PCDHA7: variants seen among roughly 807,000 people sequenced by gnomAD.
The protein encoded by PCDHA7 is protocadherin alpha 7, also known as protocadherin alpha-7.
A neutral mutation model predicts 57.2 loss-of-function variants in PCDHA7; 37 were observed. The observed-to-expected ratio is 0.65, with a 90% CI of 0.50 to 0.85. The LOEUF (loss-of-function observed/expected upper bound fraction) is 0.85. PCDHA7 is among the 40% of genes least tolerant of loss of function. The probability of loss-of-function intolerance (pLI) is 0.00; values close to 1 mark genes in which losing one functional copy is unlikely to be tolerated. For synonymous variants in PCDHA7, 553 were observed against 558.8 expected (o/e 0.99, Z 0.15); for missense variants, 1,188 against 1,241.8 (o/e 0.96, Z 0.65).
At chr5:140,887,538 A>AC (rs1554183096) in intron 1 of PCDHA7, among the ~76,000 whole-genome samples, 1 of 151,216 alleles carries the variant, frequency 6.6e-6, no homozygotes, top group Admixed American at 6.6e-5. Flanking sequence ...TCCTCTCCCC[A>AC]CCCCTCATGG....
Position 140,835,615 on chromosome 5 carries a change from G to A in PCDHA7, c.1232G>A (p.Ser411Asn). Residue 411 changes from serine to asparagine, a missense_variant, in exon 1 of 4, where the codon AGC (serine) becomes AAC (asparagine). Ser to Asn is a conservative substitution (Grantham distance 46, BLOSUM62 1). This residue lies in a region of PCDHA7 where 892 missense variants were observed against 788.5 expected (regional missense o/e 1.13). Transcript: ENST00000525929. ...FKNYYSLVLD[S>N]ALDRESVSAY... ...AATTACTATTCATTGGTGCTGGACA[G>A]CGCTCTGGACCGCGAGAGTGTGTCC... 1 of 1,613,924 alleles carries A rather than the reference G, an allele frequency of 6.2e-7. No individual in the cohort carries two copies. Among genetic ancestry groups the A allele is most frequent in the South Asian group, 1.1e-5 (1 of 91,078 alleles).
chr5:140,999,523 C>T (rs115576128), intron 3 of PCDHA7, among the ~76,000 whole-genome samples: 1 of 152,026 alleles, frequency 6.6e-6, no homozygotes, highest in Non-Finnish European at 1.5e-5. Context: ...CATTTTGTTA[C>T]CCCCTGGATA....
chr5:140,954,390 C>A (rs2095030202), intron 1 of PCDHA7, among the ~76,000 whole-genome samples: 1 of 152,204 alleles, frequency 6.6e-6, no homozygotes, highest in South Asian at 2.1e-4. Context: ...AACTAATTTA[C>A]AACCCCACCA....
At position 140,899,599 on chromosome 5, in the gene PCDHA7, C is replaced by T. The variant is rs535938234; in HGVS notation, c.2355+62861C>T. Among the ~76,000 whole-genome samples the T allele has an allele frequency of 8.0e-3, 1,213 of 152,222 alleles. 6 individuals carry two copies. Among genetic ancestry groups the T allele is most frequent in the African/African-American group, 0.019 (784 of 41,538 alleles). ...CGGTTTGCCAGTATTTTATTGAGGA[C>T]TTTTGCATCAATGTTCATCAAGGAT... On this transcript the variant is annotated intron_variant, in intron 1 of 3. Coordinates refer to ENST00000525929, the MANE Select transcript of PCDHA7 (RefSeq NM_018910.3).
chr5:140,854,198 CT>C, intron 1 of PCDHA7: 1 of 547,978 alleles, frequency 1.8e-6, no homozygotes, highest in Non-Finnish European at 2.3e-6. Flanking sequence ...CTACTCCCTA[CT>C]TTTTATTCAA....
intron 1 of PCDHA7, chr5:140,871,041 T>G (rs782091626): frequency 6.2e-7 from 1 of 1,613,310 alleles, no homozygotes; most frequent in South Asian, 1.1e-5. Flanking sequence ...GCCACCGACT[T>G]CTAGTACTGG....
At chr5:140,850,283 A>G (rs143335350) in intron 1 of PCDHA7, 3 of 1,595,592 alleles carry the variant, frequency 1.9e-6, no homozygotes, top group Non-Finnish European at 2.6e-6. Context: ...AGGTGCGCGC[A>G]GTGGACGCCG....
intron 1 of PCDHA7, chr5:140,841,205 T>G (rs1319319145): frequency 1.5e-6 from 2 of 1,339,602 alleles, no homozygotes; most frequent in African/African-American, 3.0e-5. Context: ...TGACAGCATC[T>G]GTCTCTAAAG....
chr5:140,975,216 G>C (rs1349439819), intron 1 of PCDHA7, among the ~76,000 whole-genome samples: 1 of 152,198 alleles, frequency 6.6e-6, no homozygotes, highest in Admixed American at 6.5e-5. Flanking sequence ...TGGCACTGGA[G>C]AATCTTCCCT....
chr5:140,897,435 A>G (rs1382805623), intron 1 of PCDHA7, among the ~76,000 whole-genome samples: 1 of 147,702 alleles, frequency 6.8e-6, no homozygotes, highest in Non-Finnish European at 1.5e-5. Flanking sequence ...GAGAACATGC[A>G]GTGTTTGGTT....
intron 1 of PCDHA7, among the ~76,000 whole-genome samples, chr5:140,838,864 G>T (rs1775916115): frequency 6.6e-6 from 1 of 151,900 alleles, no homozygotes; most frequent in African/African-American, 2.4e-5. Flanking sequence ...CCAAGCTGCA[G>T]TTATCATGCC....
intron 1 of PCDHA7, among the ~76,000 whole-genome samples, chr5:140,976,501 A>G (rs568983330): frequency 6.6e-6 from 1 of 152,240 alleles, no homozygotes; most frequent in East Asian, 1.9e-4. Context: ...CAGGGAGCCA[A>G]GATCGCGCCA....
intron 1 of PCDHA7, chr5:140,877,741 A>T: frequency 1.2e-6 from 2 of 1,614,182 alleles, no homozygotes; most frequent in Non-Finnish European, 1.7e-6. Flanking sequence ...GAGGAGGCAG[A>T]GGGTGTGCTC....
intron 1 of PCDHA7, among the ~76,000 whole-genome samples, chr5:140,931,344 A>G (rs1233861770): frequency 6.6e-6 from 1 of 151,910 alleles, no homozygotes; most frequent in East Asian, 1.9e-4. Flanking sequence ...GGAGTGAGGA[A>G]TTTTTTTTAG....
At chr5:140,909,087 T>G (rs2074309493) in intron 1 of PCDHA7, among the ~76,000 whole-genome samples, 1 of 152,234 alleles carries the variant, frequency 6.6e-6, no homozygotes, top group Admixed American at 6.5e-5. Flanking sequence ...TGTTTGCTAC[T>G]TCTCACTCAC....
chr5:140,924,391 T>C (rs2081808127), intron 1 of PCDHA7, among the ~76,000 whole-genome samples: 1 of 152,326 alleles, frequency 6.6e-6, no homozygotes, highest in East Asian at 1.9e-4. Flanking sequence ...TTACTACTTA[T>C]ATTGCCTTAT....
chr5:140,986,042 C>T (rs1344724281), intron 3 of PCDHA7, among the ~76,000 whole-genome samples: 1 of 152,104 alleles, frequency 6.6e-6, no homozygotes, highest in Admixed American at 6.5e-5. Context: ...CCTGGCCTCA[C>T]TGATGAATTC....
At chr5:140,868,963 A>G in intron 1 of PCDHA7, 2 of 1,423,054 alleles carry the variant, frequency 1.4e-6, no homozygotes, top group Non-Finnish European at 1.9e-6. Context: ...TCCCATACAA[A>G]GGAACTCCAT....
At chr5:140,967,849 T>C in intron 1 of PCDHA7, 1 of 1,614,116 alleles carries the variant, frequency 6.2e-7, no homozygotes, top group Non-Finnish European at 8.5e-7. Flanking sequence ...TGAATGACAA[T>C]GCCCCAGAGG....
Sources: allele counts gnomAD v4.1 joint callset (sites outside exome capture counted in the v4.1 genomes callset), GRCh38; gene constraint gnomAD v4.1.1; regional missense constraint gnomAD v4.1.1; transcripts MANE v1.5; gene names NCBI Gene and HGNC (gene_info 2026-07-23, HGNC 2026-07-21).